ASIC2: variants seen among roughly 807,000 people sequenced by gnomAD.
The protein encoded by ASIC2 is acid-sensing ion channel 2.
A neutral mutation model predicts 57.3 loss-of-function variants in ASIC2; 25 were observed. That is an observed-to-expected ratio of 0.44 (90% CI 0.32 to 0.61). ASIC2 has a LOEUF of 0.61. Among genes scored for constraint, ASIC2 ranks in the 20% least tolerant of loss-of-function variants. ASIC2 has a pLI of 0.06. For synonymous variants in ASIC2, 319 were observed against 307.5 expected, an observed-to-expected ratio of 1.04 and a Z score of -0.39; for missense variants, 641 against 738.1, an observed-to-expected ratio of 0.87 and a Z score of 1.52.
At chr17:33,343,657 G>C (rs1363443605) in intron 1 of ASIC2, among the ~76,000 whole-genome samples, 8 of 152,148 alleles carry the variant, frequency 5.3e-5, no homozygotes, top group Non-Finnish European at 1.0e-4. Flanking sequence ...TCGTACATGA[G>C]AGACTTTCAG....
intron 1 of ASIC2, among the ~76,000 whole-genome samples, chr17:34,084,564 T>C (rs1346565078): frequency 6.6e-6 from 1 of 152,206 alleles, no homozygotes; most frequent in Non-Finnish European, 1.5e-5. Flanking sequence ...AGTAGTTTTT[T>C]CCAATTCTGT....
chr17:34,077,109 GA>G, intron 1 of ASIC2, among the ~76,000 whole-genome samples: 1 of 152,308 alleles, frequency 6.6e-6, no homozygotes, highest in Non-Finnish European at 1.5e-5. Context: ...CTGGGATTCG[GA>G]TCCAGGCCAT....
chr17:34,013,196 G>T (rs114478790), intron 1 of ASIC2, among the ~76,000 whole-genome samples: 1 of 152,232 alleles, frequency 6.6e-6, no homozygotes, highest in Admixed American at 6.5e-5. Flanking sequence ...ACCAGAGGGA[G>T]AGTTTGTCAG....
intron 1 of ASIC2, among the ~76,000 whole-genome samples, chr17:33,597,456 T>G (rs1905015016): frequency 6.6e-6 from 1 of 152,144 alleles, no homozygotes. Flanking sequence ...CAATCCTGCT[T>G]CCCTGTATAG....
chr17:33,534,118 C>T (rs1228497735), intron 1 of ASIC2: 1 of 152,104 alleles, frequency 6.6e-6, no homozygotes, highest in Non-Finnish European at 1.5e-5. Context: ...CAAAATTGAA[C>T]CCCAGAGCTC....
chr17:33,301,369 A>G (rs1486680163), intron 1 of ASIC2, among the ~76,000 whole-genome samples: 2 of 152,088 alleles, frequency 1.3e-5, no homozygotes, highest in East Asian at 1.9e-4. Flanking sequence ...CTTCACAGCA[A>G]CTCTATGAAG....
At chr17:33,525,714 T>G (rs1914867942) in intron 1 of ASIC2, among the ~76,000 whole-genome samples, 1 of 152,188 alleles carries the variant, frequency 6.6e-6, no homozygotes, top group Admixed American at 6.5e-5. Context: ...ACAAATCCCT[T>G]ATTATTTATG....
intron 1 of ASIC2, among the ~76,000 whole-genome samples, chr17:33,643,344 T>C (rs1485830075): frequency 6.6e-6 from 1 of 152,244 alleles, no homozygotes; most frequent in Non-Finnish European, 1.5e-5. Context: ...CTATCTTTGC[T>C]GCATGGTGCT....
chr17:33,481,813 C>T (rs2141927496), intron 1 of ASIC2, among the ~76,000 whole-genome samples: 1 of 152,316 alleles, frequency 6.6e-6, no homozygotes, highest in South Asian at 2.1e-4. Flanking sequence ...GAACGAGCTG[C>T]CTCAGCCTTG....
chr17:34,087,767 C>T (rs1205656866), intron 1 of ASIC2, among the ~76,000 whole-genome samples: 1 of 149,794 alleles, frequency 6.7e-6, no homozygotes, highest in African/African-American at 2.5e-5. Flanking sequence ...CTAAACTTCC[C>T]TTCTCACTTC....
intron 1 of ASIC2, among the ~76,000 whole-genome samples, chr17:34,103,384 G>A (rs999996007): frequency 6.6e-5 from 10 of 152,052 alleles, no homozygotes; most frequent in Admixed American, 4.6e-4. Context: ...AAATTCCTGT[G>A]CTCAAACAAT....
At chr17:33,673,207 T>A (rs73279059) in intron 1 of ASIC2, among the ~76,000 whole-genome samples, 1 of 152,040 alleles carries the variant, frequency 6.6e-6, no homozygotes, top group African/African-American at 2.4e-5. Flanking sequence ...GAGGATGGGA[T>A]GACAACAGGC....
rs190083230 is a variant in ASIC2, at chr17:34,054,585, C to T, written c.555+101393G>A. ...TTCCAATTCACACATACACATTTGC[C>T]AGATGGTCTTCAAAACATGCCAAAA... On this transcript the variant is annotated intron_variant, in intron 1 of 9. Transcript: ENST00000359872. Among the ~76,000 whole-genome samples the T allele has an allele frequency of 3.3e-5, 5 of 152,266 alleles. No homozygotes were observed. The East Asian group carries it at 9.6e-4, about 29-fold the overall frequency.
At chr17:33,123,598 G>A (rs1273487835) in intron 1 of ASIC2, among the ~76,000 whole-genome samples, 1 of 152,174 alleles carries the variant, frequency 6.6e-6, no homozygotes, top group Non-Finnish European at 1.5e-5. Flanking sequence ...TTTTCCTGTG[G>A]CTGTGCCCAG....
At chr17:33,087,035 A>G (rs1437895461) in intron 3 of ASIC2, among the ~76,000 whole-genome samples, 1 of 152,188 alleles carries the variant, frequency 6.6e-6, no homozygotes, top group African/African-American at 2.4e-5. Context: ...TCCCTACTGC[A>G]AAAGTAAATA....
intron 1 of ASIC2, among the ~76,000 whole-genome samples, chr17:33,813,378 C>A (rs1308523974): frequency 6.6e-6 from 1 of 152,174 alleles, no homozygotes; most frequent in Non-Finnish European, 1.5e-5. Context: ...AAAAAACAAA[C>A]AAACAAACAA....
At chr17:33,347,271 G>A (rs1907986053) in intron 1 of ASIC2, among the ~76,000 whole-genome samples, 1 of 152,210 alleles carries the variant, frequency 6.6e-6, no homozygotes, top group Admixed American at 6.5e-5. Context: ...AAATCTTAGA[G>A]AGTGTCTACC....
At chr17:33,031,487 TG>T in intron 3 of ASIC2, among the ~76,000 whole-genome samples, 1 of 152,198 alleles carries the variant, frequency 6.6e-6, no homozygotes, top group Admixed American at 6.5e-5. Flanking sequence ...TTTATTGAGA[TG>T]TTTTTATGAT....
chr17:33,446,844 C>T (rs1597730446), intron 1 of ASIC2, among the ~76,000 whole-genome samples: 1 of 152,188 alleles, frequency 6.6e-6, no homozygotes, highest in African/African-American at 2.4e-5. Flanking sequence ...GCCTCTTAGT[C>T]GTGGCATGGT....
Sources: gnomAD v4.1 joint callset for allele counts (sites outside exome capture counted in the v4.1 genomes callset) on GRCh38, gnomAD v4.1.1 for gene constraint, MANE v1.5 for transcripts, NCBI Gene and HGNC (gene_info 2026-07-23, HGNC 2026-07-21) for gene names.